The following RAD51B variants were observed in gnomAD, a reference collection of about 807,000 sequenced individuals.
The protein encoded by RAD51B is DNA repair protein RAD51 homolog 2.
In RAD51B, 38 loss-of-function variants were observed where a neutral mutation model predicts 42.2. The observed-to-expected ratio is 0.90, with a 90% CI of 0.70 to 1.18. The LOEUF (loss-of-function observed/expected upper bound fraction) is 1.18. RAD51B is among the 50% of genes most tolerant of loss of function. The pLI is 0.00. For missense variants in RAD51B, 373 were observed against 400.7 expected (o/e 0.93, Z 0.59); for synonymous variants, 154 against 145.2 (o/e 1.06, Z -0.43).
At position 68,346,590 on chromosome 14, in the gene RAD51B, C is replaced by T. The variant is rs138998083; in HGVS notation, c.853+54610C>T. Among the ~76,000 whole-genome samples the T allele has an allele frequency of 2.8e-3, 430 of 152,274 alleles. 1 individual carries two copies. The highest frequency in any genetic ancestry group is 5.9e-3 in the Admixed American group (90 of 15,296). On this transcript the variant is annotated intron_variant, in intron 8 of 10. Transcript: ENST00000471583. ...TAATCCAGCAGTCGCACTCTGTAGCCCTTCAGTCCCTCTTCTGTAGCATGT... is the reference window on the plus strand; with the variant it reads ...TAATCCAGCAGTCGCACTCTGTAGCTCTTCAGTCCCTCTTCTGTAGCATGT...
chr14:68,197,847 G>A (rs1473711083), intron 7 of RAD51B, among the ~76,000 whole-genome samples: 1 of 151,916 alleles, frequency 6.6e-6, no homozygotes, highest in Admixed American at 6.6e-5. Flanking sequence ...TTTATTGTTG[G>A]TTTTGGAAGT....
chr14:68,431,545 G>A (rs2085006611), intron 9 of RAD51B, among the ~76,000 whole-genome samples: 1 of 152,192 alleles, frequency 6.6e-6, no homozygotes, highest in African/African-American at 2.4e-5. Flanking sequence ...GCACAGAGGT[G>A]TTTATAGTAT....
chr14:68,111,907 G>A (rs1043015913), intron 7 of RAD51B, among the ~76,000 whole-genome samples: 1 of 152,026 alleles, frequency 6.6e-6, no homozygotes, highest in African/African-American at 2.4e-5. Context: ...TTACTTGTGC[G>A]ATGTTCCTCT....
chr14:68,221,084 C>T (rs181392540), intron 7 of RAD51B, among the ~76,000 whole-genome samples: 50 of 152,214 alleles, frequency 3.3e-4, no homozygotes, highest in African/African-American at 9.9e-4. Flanking sequence ...GCAGAGATCA[C>T]GCCACTGCAC....
intron 8 of RAD51B, among the ~76,000 whole-genome samples, chr14:68,334,908 T>C (rs964444637): frequency 2.1e-4 from 31 of 145,486 alleles, no homozygotes; most frequent in African/African-American, 5.3e-4. Flanking sequence ...ATAGGATAGA[T>C]ATATTTTATG....
At chr14:68,117,639 C>T (rs1473831049) in intron 7 of RAD51B, among the ~76,000 whole-genome samples, 1 of 152,182 alleles carries the variant, frequency 6.6e-6, no homozygotes, top group Non-Finnish European at 1.5e-5. Context: ...AACCTAGACT[C>T]TTGCATTAGA....
chr14:68,290,001 T>G (rs2081484633), intron 7 of RAD51B, among the ~76,000 whole-genome samples: 1 of 152,214 alleles, frequency 6.6e-6, no homozygotes, highest in South Asian at 2.1e-4. Context: ...ACTCGAGTAA[T>G]TCATTTCTTT....
At chr14:68,586,408 T>C (rs1890481265) in intron 10 of RAD51B, among the ~76,000 whole-genome samples, 1 of 152,188 alleles carries the variant, frequency 6.6e-6, no homozygotes, top group African/African-American at 2.4e-5. Context: ...CACCGGCCCT[T>C]GTGCCGATCG....
At chr14:68,208,909 A>G (rs2079647975) in intron 7 of RAD51B, among the ~76,000 whole-genome samples, 1 of 152,232 alleles carries the variant, frequency 6.6e-6, no homozygotes, top group South Asian at 2.1e-4. Context: ...GCCAGCACCC[A>G]CAGGCAACCT....
chr14:68,253,015 G>A lies in RAD51B; in HGVS notation c.757-38869G>A, dbSNP rs376194938. Among the ~76,000 whole-genome samples the A allele has an allele frequency of 7.2e-5, 11 of 151,794 alleles. No homozygotes were observed. In the East Asian group the frequency reaches 7.7e-4, roughly 11 times the overall value. ...GGAGAATCACTTGAACCTGGGCGGC[G>A]GAGGTTGCAGTGAGCCAAGATCATG... is the stretch of plus-strand genomic sequence containing the variant. On this transcript the variant is annotated intron_variant, in intron 7 of 10. Transcript: ENST00000471583.
Position 68,477,868 on chromosome 14 carries a change from G to C in RAD51B, c.*204G>C, listed in dbSNP as rs1594893538. On this transcript the variant is annotated 3_prime_UTR_variant, in exon 11 of 11. Transcript: ENST00000471583. Reference sequence around the variant, plus strand: ...GGAAGGTGAAGATGAAGAAGCCTTTGTTCAGGTCTCTAGATGTGTAGGGCT... The same window carrying C: ...GGAAGGTGAAGATGAAGAAGCCTTTCTTCAGGTCTCTAGATGTGTAGGGCT... 6.3e-6 allele frequency: 9 copies of C among 1,417,720 alleles called. No individual in the cohort carries two copies. In the East Asian group the frequency reaches 2.1e-4, roughly 32 times the overall value. The allele number at this position is 1,417,720 out of a possible 1,614,324, so 87.8% of individuals were successfully genotyped here. A position where few individuals can be genotyped will look rare whatever the true frequency, so the allele number is the denominator to read the frequency against.
intron 7 of RAD51B, among the ~76,000 whole-genome samples, chr14:67,938,302 C>T (rs1047698917): frequency 6.6e-6 from 1 of 152,160 alleles, no homozygotes; most frequent in Non-Finnish European, 1.5e-5. Context: ...GGTTCCTCTC[C>T]ACACCCAGAG....
exon 11 of RAD51B, chr14:68,611,500 C>A (rs1463245864): frequency 5.8e-6 from 3 of 517,116 alleles, no homozygotes; most frequent in Non-Finnish European, 1.0e-5. Flanking sequence ...AGCTTCTGCC[C>A]TCCTTGCAGC....
rs145442233 is a variant in RAD51B, at chr14:68,425,562, C to T, written c.957+14035C>T. Among the ~76,000 whole-genome samples the T allele has an allele frequency of 7.1e-3, 1,088 of 152,334 alleles. 5 individuals are homozygous for T. Among genetic ancestry groups the T allele is most frequent in the African/African-American group, 0.025 (1,034 of 41,572 alleles). On this transcript the variant is annotated intron_variant, in intron 9 of 10. Coordinates refer to ENST00000471583, the MANE Select transcript of RAD51B (RefSeq NM_133510.4). The stretch of plus-strand genomic sequence containing the variant: ...CAATGATGCAGCAAGAAGGCCCTCA[C>T]CAGATGCTGGCCCCTTGATTTTGGA...
intron 7 of RAD51B, among the ~76,000 whole-genome samples, chr14:68,275,580 G>A (rs952884242): frequency 3.9e-5 from 6 of 152,222 alleles, no homozygotes; most frequent in Non-Finnish European, 7.4e-5. Flanking sequence ...ATCAGGATAC[G>A]CATGGATGAC....
At chr14:68,493,319 T>C (rs966348493) in intron 10 of RAD51B, among the ~76,000 whole-genome samples, 3 of 152,248 alleles carry the variant, frequency 2.0e-5, no homozygotes, top group African/African-American at 7.2e-5. Context: ...AGTAGAATGA[T>C]GGATTCATCA....
chr14:68,179,345 A>G (rs2140879100), intron 7 of RAD51B, among the ~76,000 whole-genome samples: 1 of 152,264 alleles, frequency 6.6e-6, no homozygotes, highest in East Asian at 1.9e-4. Context: ...TTATGCAGCA[A>G]ATTAAAAATA....
intron 10 of RAD51B, among the ~76,000 whole-genome samples, chr14:68,519,609 C>G (rs113609899): frequency 0.018 from 2,793 of 152,308 alleles, 28 homozygotes; most frequent in Middle Eastern, 0.041. Flanking sequence ...CCTTGGATCT[C>G]AGGATGAATC....
chr14:68,599,462 G>T (rs148675358), downstream of RAD51B, among the ~76,000 whole-genome samples: 348 of 152,230 alleles, frequency 2.3e-3, 2 homozygotes, highest in African/African-American at 6.8e-3. Context: ...ATTGCTAGGT[G>T]GTCTCTTCCA....
Sources: gnomAD v4.1 joint callset for allele counts (sites outside exome capture counted in the v4.1 genomes callset) on GRCh38, gnomAD v4.1.1 for gene constraint, MANE v1.5 for transcripts, NCBI Gene and HGNC (gene_info 2026-07-23, HGNC 2026-07-21) for gene names.